TRPM3: variants seen among roughly 807,000 people sequenced by gnomAD.
The protein encoded by TRPM3 is long transient receptor potential channel 3.
A neutral mutation model predicts 181.2 loss-of-function variants in TRPM3; 77 were observed. The ratio of observed to expected loss-of-function variants is 0.42; its 90% CI spans 0.35 to 0.51. The LOEUF (loss-of-function observed/expected upper bound fraction) is 0.51, where lower values mean the gene tolerates loss of function less well. TRPM3 is among the 20% of genes least tolerant of loss of function. TRPM3 has a pLI of 0.01. For synonymous variants in TRPM3, 745 were observed against 796.4 expected (o/e 0.94, Z 1.09); for missense variants, 1,759 against 2,196.7 (o/e 0.80, Z 3.98).
chr9:71,056,554 G>A (rs1439616032), intron 1 of TRPM3, among the ~76,000 whole-genome samples: 3 of 151,980 alleles, frequency 2.0e-5, no homozygotes, highest in Non-Finnish European at 4.4e-5. Context: ...TAGTACTGCA[G>A]AATGTGACTG....
intron 1 of TRPM3, among the ~76,000 whole-genome samples, chr9:71,401,505 C>T (rs564646986): frequency 2.6e-5 from 4 of 152,172 alleles, no homozygotes; most frequent in East Asian, 1.9e-4. Context: ...AAGAGAAAAT[C>T]GTGTGTTAAG....
intron 3 of TRPM3, among the ~76,000 whole-genome samples, chr9:70,860,440 A>G (rs1405899279): frequency 1.3e-5 from 2 of 152,176 alleles, no homozygotes; most frequent in East Asian, 1.9e-4. Context: ...AGTGCTTAAC[A>G]TGAATTGACT....
intron 11 of TRPM3, 127 bp downstream of exon 11, chr9:70,638,933 T>C (rs1296841117): frequency 1.9e-6 from 2 of 1,069,194 alleles, no homozygotes; most frequent in Admixed American, 2.4e-5. Context: ...TCTAAGGGAG[T>C]ATTTGTGATG....
intron 19 of TRPM3, among the ~76,000 whole-genome samples, chr9:70,608,772 G>A (rs573388699): frequency 6.6e-6 from 1 of 152,204 alleles, no homozygotes; most frequent in East Asian, 1.9e-4. Context: ...TCCAGGAGAT[G>A]GAGGTTGCAG....
intron 1 of TRPM3, among the ~76,000 whole-genome samples, chr9:71,392,223 A>G (rs1057213949): frequency 4.6e-5 from 7 of 152,118 alleles, no homozygotes; most frequent in Admixed American, 2.0e-4. Context: ...AAGAAAACAC[A>G]TTTTCAGATG....
At chr9:70,576,306 C>T (rs2053915468) in intron 22 of TRPM3, among the ~76,000 whole-genome samples, 1 of 152,162 alleles carries the variant, frequency 6.6e-6, no homozygotes, top group African/African-American at 2.4e-5. Context: ...GATTCTCTAT[C>T]TTCCTGACCA....
intron 22 of TRPM3, among the ~76,000 whole-genome samples, chr9:70,577,786 A>T (rs2054432291): frequency 1.3e-5 from 2 of 152,204 alleles, no homozygotes; most frequent in African/African-American, 2.4e-5. Flanking sequence ...CCTGTTTGAT[A>T]GTGGTGTCCC....
intron 6 of TRPM3, among the ~76,000 whole-genome samples, chr9:70,793,953 T>C (rs567504920): frequency 2.6e-4 from 39 of 152,306 alleles, no homozygotes; most frequent in Non-Finnish European, 5.1e-4. Context: ...TAAGCTAGGC[T>C]GTGCTACGAT....
intron 1 of TRPM3, among the ~76,000 whole-genome samples, chr9:71,155,479 TATTTTTATTTTA>T (rs1377241497): frequency 7.0e-6 from 1 of 143,102 alleles, no homozygotes; most frequent in African/African-American, 2.6e-5. Context: ...CCACCATGCT[TATTTTTATTTTA>T]TTTTATTTTA....
chr9:71,064,438 CCA>C (rs998454003), intron 1 of TRPM3, among the ~76,000 whole-genome samples: 7 of 149,562 alleles, frequency 4.7e-5, no homozygotes, highest in Admixed American at 1.3e-4. Flanking sequence ...TTTTTTTTAG[CCA>C]CAGTTTTACT....
chr9:71,117,727 C>G (rs980260247), intron 1 of TRPM3, among the ~76,000 whole-genome samples: 5 of 152,128 alleles, frequency 3.3e-5, no homozygotes, highest in Admixed American at 2.6e-4. Context: ...TGAGCAAACT[C>G]ATATGATTTC....
intron 1 of TRPM3, among the ~76,000 whole-genome samples, chr9:70,932,098 G>T (rs1483460416): frequency 6.6e-6 from 1 of 152,094 alleles, no homozygotes; most frequent in Non-Finnish European, 1.5e-5. Flanking sequence ...GGGAGGATTT[G>T]GCAAGAAAAC....
At chr9:71,031,682 T>A (rs1282634139) in intron 1 of TRPM3, among the ~76,000 whole-genome samples, 2 of 151,736 alleles carry the variant, frequency 1.3e-5, no homozygotes, top group Non-Finnish European at 2.9e-5. Context: ...CATGGGAGAT[T>A]TATACATTCC....
intron 1 of TRPM3, among the ~76,000 whole-genome samples, chr9:71,273,118 T>C (rs1298783270): frequency 1.3e-5 from 2 of 152,168 alleles, no homozygotes; most frequent in African/African-American, 2.4e-5. Flanking sequence ...TCAAGTGACC[T>C]GCCTGCCTTG....
intron 1 of TRPM3, among the ~76,000 whole-genome samples, chr9:71,354,828 C>A (rs1018466022): frequency 6.6e-6 from 1 of 152,210 alleles, no homozygotes; most frequent in African/African-American, 2.4e-5. Flanking sequence ...CCTGTGCTTA[C>A]AACAAATCTG....
chr9:71,308,944 G>A (rs12350204), intron 1 of TRPM3, among the ~76,000 whole-genome samples: 2,440 of 152,208 alleles, frequency 0.016, 37 homozygotes, highest in African/African-American at 0.038. Flanking sequence ...ATAGATTGAT[G>A]GAGACTTCAA....
At chr9:71,046,125 C>T (rs34483676) in intron 1 of TRPM3, among the ~76,000 whole-genome samples, 9,928 of 151,830 alleles carry the variant, frequency 0.065, 498 homozygotes, top group African/African-American at 0.13. Flanking sequence ...CGAGTAGCTG[C>T]AATTACAAGC....
chr9:71,382,104 T>G (rs923930678), intron 1 of TRPM3, among the ~76,000 whole-genome samples: 1 of 152,188 alleles, frequency 6.6e-6, no homozygotes, highest in Non-Finnish European at 1.5e-5. Context: ...ATGGCTTTAG[T>G]GTTAGACTGT....
Position 71,044,262 on chromosome 9 carries a change from A to T in TRPM3, c.177+76916T>A, listed in dbSNP as rs543172588. Among the ~76,000 whole-genome samples the T allele has an allele frequency of 1.8e-4, 27 of 152,234 alleles. 1 individual carries two copies. The East Asian group carries it at 5.2e-3, about 30-fold the overall frequency. ...CATCTCTATGTTCCATGGACTCTTAAAAGAAAAACATCAAAACCCAAACAC... is the reference window on the plus strand; with the variant it reads ...CATCTCTATGTTCCATGGACTCTTATAAGAAAAACATCAAAACCCAAACAC... On this transcript the variant is annotated intron_variant, in intron 1 of 25. Coordinates refer to ENST00000677713, the MANE Select transcript of TRPM3 (RefSeq NM_001366145.2).
Sources: gnomAD v4.1 joint callset for allele counts (sites outside exome capture counted in the v4.1 genomes callset) on GRCh38, gnomAD v4.1.1 for gene constraint, MANE v1.5 for transcripts, NCBI Gene and HGNC (gene_info 2026-07-23, HGNC 2026-07-21) for gene names.